Variants in NYNRIN observed in about 807,000 individuals in gnomAD.
NYNRIN encodes the protein NYN domain and retroviral integrase containing, also known as protein NYNRIN.
Under a neutral mutation model 146.6 loss-of-function variants are expected in NYNRIN, and 86 were observed. That is an observed-to-expected ratio of 0.59 (90% confidence interval 0.49 to 0.70). The LOEUF (loss-of-function observed/expected upper bound fraction) is 0.70, where lower values mean the gene tolerates loss of function less well. NYNRIN is among the 30% of genes least tolerant of loss of function. The pLI is 0.00. For missense variants in NYNRIN, 2,191 were observed against 2,377.7 expected (o/e 0.92, Z 1.63); for synonymous variants, 1,027 against 1,001.3 (o/e 1.03, Z -0.48).
intron 2 of NYNRIN, among the ~76,000 whole-genome samples, chr14:24,407,330 C>T (rs1260457177): frequency 6.6e-6 from 1 of 152,218 alleles, no homozygotes; most frequent in Non-Finnish European, 1.5e-5. Flanking sequence ...GGAACTATTA[C>T]TGTTCCCATT....
At chr14:24,405,465 C>T (rs1480068375) in intron 2 of NYNRIN, among the ~76,000 whole-genome samples, 1 of 152,112 alleles carries the variant, frequency 6.6e-6, no homozygotes, top group Non-Finnish European at 1.5e-5. Context: ...ATCTTTCTAC[C>T]TAGTTGTTAG....
chr14:24,418,332 G>A lies in NYNRIN; in HGVS notation c.*886G>A, dbSNP rs2042962529. The A allele has an allele frequency of 2.2e-6, 1 of 454,612 alleles. No individual in the cohort carries two copies. The highest frequency in any genetic ancestry group is 2.0e-5 in the African/African-American group (1 of 49,986). The allele number at this position is 454,612 out of a possible 1,614,324, so 28.2% of individuals were successfully genotyped here. On this transcript the variant is annotated 3_prime_UTR_variant, in exon 9 of 9. Coordinates refer to ENST00000382554, the MANE Select transcript of NYNRIN (RefSeq NM_025081.3). ...GGGCAGGGCGTCTGCAACAGGAGTG[G>A]CACACGGTGAAGTGCTGGCATGGCT...
In NYNRIN at chr14:24,408,668, C is replaced by G. The variant is rs1037695235; in HGVS notation, c.874C>G (p.Gln292Glu). 3 of 1,604,544 alleles carry G rather than the reference C, an allele frequency of 1.9e-6. No individual in the cohort carries two copies. Among genetic ancestry groups the G allele is most frequent in the Middle Eastern group, 1.7e-4 (1 of 6,008 alleles). The change falls in exon 4 of 9, where the codon CAA becomes GAA. Residue 292 changes from glutamine (Q) to glutamate (E), a missense_variant. This residue lies in a region of NYNRIN where 895 missense variants were observed against 941.2 expected (regional missense o/e 0.95). Coordinates refer to ENST00000382554, the MANE Select transcript of NYNRIN (RefSeq NM_025081.3). ...NQLVRVGSNN[Q>E]DGMDSAQEEG... ...TTCCTCCAGGGTCGGTTCCAACAAC[C>G]AAGATGGTATGGACAGTGCTCAAGA...
intron 2 of NYNRIN, among the ~76,000 whole-genome samples, chr14:24,404,425 T>G (rs1289584748): frequency 6.6e-6 from 1 of 152,266 alleles, no homozygotes; most frequent in Non-Finnish European, 1.5e-5. Flanking sequence ...TACCATATTC[T>G]TTGTTACCTC....
At position 24,416,103 on chromosome 14, in the gene NYNRIN, G is replaced by A. The variant is rs761563648; in HGVS notation, c.4354G>A (p.Gly1452Ser). The change falls in exon 9 of 9, where the codon GGT becomes AGT. Residue 1452 changes from glycine (G) to serine (S), a missense_variant. Around this residue, in one of 3 missense-constraint regions of NYNRIN, gnomAD observed 1,291 missense variants for 1,417.0 expected, o/e 0.91. Coordinates refer to ENST00000382554, the MANE Select transcript of NYNRIN (RefSeq NM_025081.3). ...CCTGGCCAAGCAGGGTGCCCAGGGG[G>A]GTGGGCAGTGGTGGAGTTTGCCAAA... ...DTLAKQGAQG[G>S]GQWWSLPKDV... The A allele has an allele frequency of 1.2e-5, 19 of 1,613,864 alleles. No homozygotes were observed. The highest frequency in any genetic ancestry group is 8.8e-5 in the South Asian group (8 of 91,094).
At chr14:24,413,195 G>T in intron 7 of NYNRIN, 97 bp downstream of exon 7, 2 of 1,322,482 alleles carry the variant, frequency 1.5e-6, no homozygotes, top group Non-Finnish European at 2.1e-6. Flanking sequence ...AGGCCTTGGA[G>T]TAGTGCCCAC....
Position 24,418,179 on chromosome 14 carries a change from GAC to G in NYNRIN, c.*735_*736del. The G allele has an allele frequency of 2.3e-6, 1 of 441,238 alleles. No individual in the cohort carries two copies. Among genetic ancestry groups the G allele is most frequent in the Admixed American group, 2.5e-5 (1 of 39,716 alleles). 27.3% of individuals were successfully genotyped at this position (441,238 alleles called of 1,614,324 possible). Reference sequence around the variant, plus strand: ...ACCTCATTTGACTCCAGCCAATGGAGACAATTCCTGACCCCTGCTTTGATGGT... The same window carrying G: ...ACCTCATTTGACTCCAGCCAATGGAGAATTCCTGACCCCTGCTTTGATGGT... On this transcript the variant is annotated 3_prime_UTR_variant, in exon 9 of 9. Transcript: ENST00000382554.
rs141423891 is a variant in NYNRIN at position 24,409,528 on chromosome 14, A to G, written c.1734A>G (p.Ala578=). The stretch of plus-strand genomic sequence containing the variant: ...TGCCTACATCTCGAATGATGCTGGC[A>G]GTGCACACAGAGCCTGCAGCTCCCG... The part of the protein sequence containing the change: ...PKLPTSRMML[A]VHTEPAAPEV... The change falls in exon 4 of 9, where the codon GCA becomes GCG. Residue 578 remains alanine, a synonymous_variant. Transcript: ENST00000382554. The G allele has an allele frequency of 1.9e-4, 309 of 1,613,082 alleles. 2 individuals carry two copies. In the East Asian group the frequency reaches 6.8e-3, roughly 36 times the overall value.
chr14:24,400,448 G>T (rs1351683349), intron 2 of NYNRIN, among the ~76,000 whole-genome samples: 1 of 152,198 alleles, frequency 6.6e-6, no homozygotes, highest in Non-Finnish European at 1.5e-5. Context: ...ACTGCAGATG[G>T]GTTTATACCT....
intron 4 of NYNRIN, among the ~76,000 whole-genome samples, chr14:24,410,783 C>T (rs1478860906): frequency 6.6e-6 from 1 of 152,240 alleles, no homozygotes; most frequent in Non-Finnish European, 1.5e-5. Flanking sequence ...TTTAAGCCCT[C>T]AACTGAGCTC....
chr14:24,416,186 G>A lies in NYNRIN; in HGVS notation c.4437G>A (p.Leu1479=). The change falls in exon 9 of 9, where the codon CTG becomes CTA. Residue 1479 remains leucine, a synonymous_variant. Coordinates refer to ENST00000382554, the MANE Select transcript of NYNRIN (RefSeq NM_025081.3). Reference sequence around the variant, plus strand: ...CCATGGGCAAGAGGCCCAATTTGCTGGCATTACAGCTGAGTGACAGCACCC... The same window carrying A: ...CCATGGGCAAGAGGCCCAATTTGCTAGCATTACAGCTGAGTGACAGCACCC... ...PHAMGKRPNL[L]ALQLSDSTLA... The A allele has an allele frequency of 6.2e-7, 1 of 1,613,980 alleles. No homozygotes were observed. The highest frequency in any genetic ancestry group is 2.2e-5 in the East Asian group (1 of 44,872).
rs764918846 is a variant in NYNRIN, at chr14:24,409,857, C to A, written c.2063C>A (p.Thr688Lys). Residue 688 changes from threonine to lysine, a missense_variant, in exon 4 of 9, where the codon ACG becomes AAG. Coordinates refer to ENST00000382554, the MANE Select transcript of NYNRIN (RefSeq NM_025081.3). ...PKTPAAQKVP[T>K]DAGPTLDVAR... is the part of the protein sequence containing the mutation. ...ACACCTGCAGCTCAGAAGGTGCCCACGGATGCAGGGCCAACCTTGGATGTA... is the reference window on the plus strand; with the variant it reads ...ACACCTGCAGCTCAGAAGGTGCCCAAGGATGCAGGGCCAACCTTGGATGTA... 3.7e-6 allele frequency: 6 copies of A among 1,613,382 alleles called. No homozygotes were observed. The East Asian group carries it at 1.3e-4, about 36-fold the overall frequency.
At chr14:24,399,136 G>A (rs1350025237) in intron 1 of NYNRIN, 50 bp downstream of exon 1, 2 of 993,476 alleles carry the variant, frequency 2.0e-6, no homozygotes, top group East Asian at 2.8e-5. Flanking sequence ...GCGCGCCGCG[G>A]GGAGGAGGGG....
Position 24,416,505 on chromosome 14 carries a change from T to C in NYNRIN, c.4756T>C (p.Cys1586Arg). The C allele has an allele frequency of 6.2e-7, 1 of 1,613,766 alleles. No individual in the cohort carries two copies. Among genetic ancestry groups the C allele is most frequent in the Non-Finnish European group, 8.5e-7 (1 of 1,179,812 alleles). ...QEHVKDYCRS[C>R]LFCIPRNLIG... ...GCATGTGAAAGATTACTGCAGGAGC[T>C]GCTTGTTCTGCATCCCCCGAAATCT... The change falls in exon 9 of 9, where the codon TGC becomes CGC. Residue 1586 changes from cysteine to arginine, a missense_variant. Coordinates refer to ENST00000382554, the MANE Select transcript of NYNRIN (RefSeq NM_025081.3).
In NYNRIN at chr14:24,408,500, C is replaced by T. The variant is rs758876637; in HGVS notation, c.830C>T (p.Pro277Leu). The T allele has an allele frequency of 1.5e-5, 23 of 1,585,780 alleles. No individual in the cohort carries two copies. Among genetic ancestry groups the T allele is most frequent in the South Asian group, 5.7e-5 (5 of 87,254 alleles). ...TGSLITAQST[P>L]QEAANQLVRV... The stretch of plus-strand genomic sequence containing the variant: ...TCCCTGATCACAGCCCAGAGCACAC[C>T]GCAGGAGGCAGCAAACCAGCTGGTA... Residue 277 changes from proline (P) to leucine (L), a missense_variant, in exon 3 of 9, where the codon CCG becomes CTG. Transcript: ENST00000382554.
chr14:24,406,201 AAAAATAAAAT>A (rs71119077), intron 2 of NYNRIN, among the ~76,000 whole-genome samples: 6,208 of 127,870 alleles, frequency 0.049, 364 homozygotes, highest in East Asian at 0.15. Context: ...CTCTGCCTCA[AAAAATAAAAT>A]AAAATAAAAT....
In NYNRIN at chr14:24,417,246, C is replaced by T; in HGVS notation, c.5497C>T (p.Leu1833Phe). ...GGAGTGGAATGTGGGTGACCAGGTC[C>T]TTTTGCTGTCCCTCCCCAGGAATGG... ...EKEWNVGDQV[L>F]LLSLPRNGSS... The change falls in exon 9 of 9, where the codon CTT becomes TTT. Residue 1833 changes from leucine (L) to phenylalanine (F), a missense_variant. Leu to Phe is a conservative substitution (Grantham distance 22). Transcript: ENST00000382554. The T allele has an allele frequency of 1.2e-6, 2 of 1,614,052 alleles. No homozygotes were observed. The highest frequency in any genetic ancestry group is 1.7e-6 in the Non-Finnish European group (2 of 1,179,888).
chr14:24,410,079 A>G lies in NYNRIN; in HGVS notation c.2285A>G (p.Asn762Ser), dbSNP rs371144068. The stretch of plus-strand genomic sequence containing the variant: ...CAGCCACCTCGCCACCTGCAAGCGA[A>G]CAGCACAGTGACCAGCTTCCAGAGG... Reference protein sequence around the residue: ...PRQPPRHLQANSTVTSFQRYH... With the variant: ...PRQPPRHLQASSTVTSFQRYH... The change falls in exon 4 of 9, where the codon AAC becomes AGC. Residue 762 changes from asparagine to serine, a missense_variant. Transcript: ENST00000382554. 1 of 1,613,874 alleles carries G rather than the reference A, an allele frequency of 6.2e-7. No homozygotes were observed. The highest frequency in any genetic ancestry group is 1.3e-5 in the African/African-American group (1 of 74,950).
Position 24,411,207 on chromosome 14 carries a change from G to A in NYNRIN, c.2545+1G>A. ...CTGAAGAAGAACCGGAGGGTGAGAG[G>A]TGAGGTGTCCCCTGCCTGCCCAGCC... On this transcript the variant is annotated splice_donor_variant, in intron 5 of 8. Transcript: ENST00000382554. LOFTEE classifies it high-confidence loss of function. The surrounding 1 kb of genome is among the most constrained non-coding windows in gnomAD (Gnocchi z 4.3). 6.2e-7 allele frequency: 1 copy of A among 1,606,640 alleles called. No homozygotes were observed. Among genetic ancestry groups the A allele is most frequent in the Non-Finnish European group, 8.5e-7 (1 of 1,176,142 alleles).
Sources: allele counts gnomAD v4.1 joint callset (sites outside exome capture counted in the v4.1 genomes callset), GRCh38; gene constraint gnomAD v4.1.1; regional missense constraint gnomAD v4.1.1; non-coding constraint Gnocchi (gnomAD v3.1); transcripts MANE v1.5; gene names NCBI Gene and HGNC (gene_info 2026-07-23, HGNC 2026-07-21).